VRTN: variants seen among roughly 807,000 people sequenced by gnomAD.
The protein encoded by VRTN is vertnin.
A neutral mutation model predicts 18.2 loss-of-function variants in VRTN; 5 were observed. The ratio of observed to expected loss-of-function variants is 0.27; its 90% CI spans 0.14 to 0.58. VRTN has a LOEUF of 0.58. Ranked by LOEUF, VRTN falls within the 20% of genes least tolerant of loss-of-function variation. The pLI, the probability that VRTN is intolerant of heterozygous loss-of-function variation, is 0.91. For missense variants in VRTN, 741 were observed against 939.4 expected (o/e 0.79, Z 2.76); for synonymous variants, 381 against 393.7 (o/e 0.97, Z 0.38).
chr14:74,332,133 T>C (rs2085530051), intron 1 of VRTN, among the ~76,000 whole-genome samples: 1 of 152,032 alleles, frequency 6.6e-6, no homozygotes, highest in Admixed American at 6.6e-5. Flanking sequence ...CAAGGGGAGA[T>C]GTTAGGGGTT....
intron 1 of VRTN, among the ~76,000 whole-genome samples, chr14:74,334,639 C>T (rs1276629324): frequency 1.3e-5 from 2 of 152,130 alleles, no homozygotes; most frequent in African/African-American, 4.8e-5. Flanking sequence ...GTTAACATTC[C>T]ATGAGCAAAA....
chr14:74,358,409 G>C lies in VRTN; in HGVS notation c.1626G>C (p.Trp542Cys). 3.7e-6 allele frequency: 6 copies of C among 1,614,164 alleles called. No individual in the cohort carries two copies. Among genetic ancestry groups the C allele is most frequent in the Non-Finnish European group, 5.1e-6 (6 of 1,180,042 alleles). The stretch of plus-strand genomic sequence containing the variant: ...CCAGCCTGTCACCTTCTGCCTTTTG[G>C]GTCTGGAAGAGTCTTGCTCGGGGTT... The part of the protein sequence containing the change: ...RYPSLSPSAF[W>C]VWKSLARGWP... The change falls in exon 2 of 2, where the codon TGG (tryptophan) becomes TGC (cysteine). Residue 542 changes from tryptophan (W) to cysteine (C), a missense_variant. This residue lies in a region of VRTN where 494 missense variants were observed against 546.5 expected (regional missense o/e 0.90). Coordinates refer to ENST00000256362, the MANE Select transcript of VRTN (RefSeq NM_018228.3). The surrounding 1 kb of genome is among the most constrained non-coding windows in gnomAD (Gnocchi z 5.4).
intron 1 of VRTN, among the ~76,000 whole-genome samples, chr14:74,354,377 CTTTTTGTA>C (rs1275645583): frequency 2.5e-3 from 379 of 150,152 alleles, no homozygotes; most frequent in African/African-American, 8.7e-3. Context: ...TATCCATGAA[CTTTTTGTA>C]CCCTGTTATA....
intron 1 of VRTN, among the ~76,000 whole-genome samples, chr14:74,333,156 G>C (rs991826817): frequency 2.6e-5 from 4 of 152,156 alleles, no homozygotes; most frequent in Non-Finnish European, 5.9e-5. Context: ...GCCGAGGCGG[G>C]CGGGTCACCC....
Position 74,320,506 on chromosome 14 carries a change from C to G in VRTN, c.-163-17217C>G, listed in dbSNP as rs550557398. On this transcript the variant is annotated intron_variant, in intron 1 of 2. Transcript: ENST00000557177. ...CTCGATCTCCTGACCTTGTGATCCGCCCGCCTTGGCCTCCCAAAGTGCTGG... is the reference window on the plus strand; with the variant it reads ...CTCGATCTCCTGACCTTGTGATCCGGCCGCCTTGGCCTCCCAAAGTGCTGG... Among the ~76,000 whole-genome samples, 8 of 147,034 alleles carry G rather than the reference C, an allele frequency of 5.4e-5. No homozygotes were observed. In the East Asian group the frequency reaches 1.6e-3, roughly 29 times the overall value.
At position 74,307,276 on chromosome 14, in the gene VRTN, C is replaced by T. The variant is rs62006827; in HGVS notation, c.-164+4100C>T. 4.3e-3 allele frequency among the ~76,000 whole-genome samples: 651 copies of T among 151,684 alleles called. 5 individuals are homozygous for T. Among genetic ancestry groups the T allele is most frequent in the Non-Finnish European group, 6.9e-3 (468 of 67,904 alleles). ...TCCTGGGTAGTTGGATTATAGGCAC[C>T]CGCCACCACGCCCGGCTAATTTTTT... On this transcript the variant is annotated intron_variant, in intron 1 of 2. Transcript: ENST00000557177.
chr14:74,308,161 T>G (rs1056935119), intron 1 of VRTN, among the ~76,000 whole-genome samples: 1 of 152,130 alleles, frequency 6.6e-6, no homozygotes. Flanking sequence ...ACACCTGTGG[T>G]CTCAGAACTT....
At chr14:74,324,256 C>T (rs565690736) in intron 1 of VRTN, among the ~76,000 whole-genome samples, 8 of 151,586 alleles carry the variant, frequency 5.3e-5, no homozygotes, top group African/African-American at 1.9e-4. Flanking sequence ...AGCGTGGTGG[C>T]GGGCGCCTGT....
chr14:74,358,967 C>T lies in VRTN; in HGVS notation c.*75C>T. On this transcript the variant is annotated 3_prime_UTR_variant, in exon 2 of 2. Transcript: ENST00000256362. The surrounding 1 kb of genome is among the most constrained non-coding windows in gnomAD (Gnocchi z 5.4). ...GTCAGGGACCTGAGCTGACCCCAGG[C>T]TTGGCCAGGATGTCCTTTGCTCTGG... is the stretch of plus-strand genomic sequence containing the variant. 3 of 1,508,486 alleles carry T rather than the reference C, an allele frequency of 2.0e-6. No homozygotes were observed. The highest frequency in any genetic ancestry group is 1.8e-4 in the Middle Eastern group (1 of 5,542). 93.4% of individuals were successfully genotyped at this position (1,508,486 alleles called of 1,614,324 possible).
At chr14:74,309,890 A>G (rs909868143) in intron 1 of VRTN, among the ~76,000 whole-genome samples, 1 of 152,158 alleles carries the variant, frequency 6.6e-6, no homozygotes, top group Admixed American at 6.5e-5. Context: ...ATAACTGTCA[A>G]ATTTTAGATG....
intron 2 of VRTN, among the ~76,000 whole-genome samples, chr14:74,339,358 C>T (rs1402206836): frequency 6.6e-6 from 1 of 152,088 alleles, no homozygotes; most frequent in African/African-American, 2.4e-5. Context: ...ATTCTGGTTG[C>T]TCTGACTCCA....
Position 74,357,439 on chromosome 14 carries a change from A to T in VRTN, c.656A>T (p.His219Leu). The change falls in exon 2 of 2, where the codon CAC becomes CTC. Residue 219 changes from histidine (H) to leucine (L), a missense_variant. Coordinates refer to ENST00000256362, the MANE Select transcript of VRTN (RefSeq NM_018228.3). The surrounding 1 kb of genome is among the most constrained non-coding windows in gnomAD (Gnocchi z 7.8). ...RRCDHVPSTL[H>L]IMWAGQPLTS... ...TGCGACCACGTGCCCTCCACGCTGC[A>T]CATCATGTGGGCTGGCCAGCCCCTC... 1 of 1,612,286 alleles carries T rather than the reference A, an allele frequency of 6.2e-7. No individual in the cohort carries two copies. Among genetic ancestry groups the T allele is most frequent in the Non-Finnish European group, 8.5e-7 (1 of 1,180,012 alleles).
intron 1 of VRTN, among the ~76,000 whole-genome samples, chr14:74,320,105 T>C (rs1316796428): frequency 6.6e-6 from 1 of 152,010 alleles, no homozygotes; most frequent in Non-Finnish European, 1.5e-5. Context: ...TAGCTGGGCA[T>C]AGTGGCATGC....
chr14:74,344,243 C>A (rs57945435), upstream of VRTN, among the ~76,000 whole-genome samples: 1 of 1,158 alleles, frequency 8.6e-4, no homozygotes, highest in South Asian at 0.5. Context: ...ACTCTGCTTT[C>A]TACAAAAAAA....
chr14:74,339,612 T>C (rs2085587366), intron 2 of VRTN, among the ~76,000 whole-genome samples: 1 of 152,038 alleles, frequency 6.6e-6, no homozygotes, highest in Non-Finnish European at 1.5e-5. Flanking sequence ...CCAGGAGTTC[T>C]AGAGCAGGCT....
intron 1 of VRTN, among the ~76,000 whole-genome samples, chr14:74,314,147 TTA>T (rs2085404996): frequency 2.6e-5 from 4 of 152,160 alleles, no homozygotes; most frequent in Admixed American, 2.0e-4. Flanking sequence ...AATTTTTTTT[TTA>T]GAGACAAGGT....
intron 1 of VRTN, among the ~76,000 whole-genome samples, chr14:74,336,790 C>T (rs1193783214): frequency 1.3e-5 from 2 of 152,224 alleles, no homozygotes; most frequent in South Asian, 2.1e-4. Flanking sequence ...AAAGTTTCCT[C>T]TTGGTAATTT....
chr14:74,318,711 C>CT lies in VRTN; in HGVS notation c.-164+15556dup, dbSNP rs35673718. On this transcript the variant is annotated intron_variant, in intron 1 of 2. Transcript: ENST00000557177. ...ACAGGCGTGAGCCACCGTGTCCGGC[C>CT]TTTTTTTTTTTTTTTTTTTTTAAAT... 3.9e-3 allele frequency among the ~76,000 whole-genome samples: 470 copies of CT among 121,668 alleles called. 4 individuals are homozygous for CT. Among genetic ancestry groups the CT allele is most frequent in the Middle Eastern group, 4.6e-3 (1 of 218 alleles). 79.8% of individuals were successfully genotyped at this position (121,668 alleles called of 152,430 possible). A position where few individuals can be genotyped will look rare whatever the true frequency, so the allele number is the denominator to read the frequency against.
intron 1 of VRTN, among the ~76,000 whole-genome samples, chr14:74,323,887 A>G (rs1008824275): frequency 1.3e-5 from 2 of 152,162 alleles, no homozygotes; most frequent in African/African-American, 4.8e-5. Flanking sequence ...ATGAAATGCA[A>G]ATTTAACTGG....
Sources: gnomAD v4.1 joint callset for allele counts (sites outside exome capture counted in the v4.1 genomes callset) on GRCh38, gnomAD v4.1.1 for gene constraint, gnomAD v4.1.1 regional missense constraint, Gnocchi (gnomAD v3.1) non-coding constraint, MANE v1.5 for transcripts, NCBI Gene and HGNC (gene_info 2026-07-23, HGNC 2026-07-21) for gene names.